The following ZFPM2 variants were observed in gnomAD, a reference collection of about 807,000 sequenced individuals.
ZFPM2 encodes zinc finger protein, FOG family member 2, also known as zinc finger protein ZFPM2.
A neutral mutation model predicts 98.6 loss-of-function variants in ZFPM2; 20 were observed. That is an observed-to-expected ratio of 0.20 (90% CI 0.14 to 0.29). The LOEUF is 0.29. ZFPM2 is among the 10% of genes least tolerant of loss of function. ZFPM2 has a pLI of 1.00. For synonymous variants in ZFPM2, 518 were observed against 502.7 expected (o/e 1.03, Z -0.41); for missense variants, 1,310 against 1,388.6 (o/e 0.94, Z 0.90).
In ZFPM2 at chr8:105,367,214, T is replaced by C. The variant is rs1366554281; in HGVS notation, c.40+48233T>C. Among the ~76,000 whole-genome samples the C allele has an allele frequency of 1.5e-3, 102 of 69,804 alleles. 1 individual carries two copies. Among genetic ancestry groups the C allele is most frequent in the African/African-American group, 7.7e-3 (98 of 12,730 alleles). The allele number at this position is 69,804 out of a possible 152,430, so 45.8% of individuals were successfully genotyped here. On this transcript the variant is annotated intron_variant, in intron 1 of 7. Transcript: ENST00000407775. ...GATTGACTTGGCGATGCGGGCTCTT[T>C]TTTGGTTCCATATGAACTTTAAAGT...
chr8:105,729,896 G>T (rs1252415099), intron 5 of ZFPM2, among the ~76,000 whole-genome samples: 3 of 150,554 alleles, frequency 2.0e-5, no homozygotes, highest in Non-Finnish European at 3.0e-5. Flanking sequence ...GTACTTCCAT[G>T]CATACTATAT....
chr8:105,677,004 T>C (rs1810486365), intron 5 of ZFPM2, among the ~76,000 whole-genome samples: 1 of 151,870 alleles, frequency 6.6e-6, no homozygotes, highest in South Asian at 2.1e-4. Context: ...ACAGAAAAAA[T>C]ATTAAAGATG....
rs1380762017 is a variant in ZFPM2 at position 105,541,931 on chromosome 8, A to C, written c.302-19432A>C. Among the ~76,000 whole-genome samples the C allele has an allele frequency of 5.9e-5, 9 of 152,118 alleles. No homozygotes were observed. In the East Asian group the frequency reaches 1.7e-3, roughly 29 times the overall value. On this transcript the variant is annotated intron_variant, in intron 3 of 7. Transcript: ENST00000407775. Reference sequence around the variant, plus strand: ...AAATTGCTAATTTTTTTAATGTAAAAAATTATTTTTCCAGAAATAAAGCAA... The same window carrying C: ...AAATTGCTAATTTTTTTAATGTAAACAATTATTTTTCCAGAAATAAAGCAA...
At chr8:105,662,539 C>A (rs1817411048) in intron 5 of ZFPM2, 1 of 151,760 alleles carries the variant, frequency 6.6e-6, no homozygotes, top group African/African-American at 2.4e-5. Flanking sequence ...CCTTCTTTAG[C>A]AGCATAAGCT....
intron 1 of ZFPM2, among the ~76,000 whole-genome samples, chr8:105,398,005 A>G (rs896429713): frequency 2.6e-5 from 4 of 152,192 alleles, no homozygotes; most frequent in Admixed American, 1.3e-4. Context: ...TAAGGGAAAC[A>G]TAAGAGATGA....
chr8:105,403,345 C>A (rs868132207), intron 1 of ZFPM2, among the ~76,000 whole-genome samples: 8 of 151,968 alleles, frequency 5.3e-5, no homozygotes, highest in African/African-American at 1.9e-4. Context: ...TCTTTTCGAT[C>A]TGTTGTTATT....
At chr8:105,493,409 G>T (rs1459544552) in intron 3 of ZFPM2, among the ~76,000 whole-genome samples, 1 of 152,190 alleles carries the variant, frequency 6.6e-6, no homozygotes, top group Non-Finnish European at 1.5e-5. Context: ...AACCCTTGAA[G>T]AAAGATGATG....
chr8:105,389,871 G>A (rs1262826126), intron 1 of ZFPM2, among the ~76,000 whole-genome samples: 1 of 152,190 alleles, frequency 6.6e-6, no homozygotes, highest in South Asian at 2.1e-4. Flanking sequence ...TAGACCTCTA[G>A]ATAAGGAGAA....
At chr8:105,461,211 G>T (rs1812698940) in intron 3 of ZFPM2, among the ~76,000 whole-genome samples, 1 of 152,076 alleles carries the variant, frequency 6.6e-6, no homozygotes, top group Admixed American at 6.5e-5. Context: ...AAAAGAGATT[G>T]TTAGTCAATT....
intron 5 of ZFPM2, among the ~76,000 whole-genome samples, chr8:105,661,620 G>T (rs918390050): frequency 1.3e-5 from 2 of 152,076 alleles, no homozygotes; most frequent in African/African-American, 4.8e-5. Flanking sequence ...AAGGCTTCAG[G>T]GAAGTGCCAA....
intron 1 of ZFPM2, among the ~76,000 whole-genome samples, chr8:105,394,891 G>A (rs1427727980): frequency 1.3e-5 from 2 of 152,174 alleles, no homozygotes; most frequent in Non-Finnish European, 2.9e-5. Flanking sequence ...TGAAACAAGG[G>A]ATGCCTGTTT....
chr8:105,489,749 C>A (rs1813320799), intron 3 of ZFPM2, among the ~76,000 whole-genome samples: 1 of 151,686 alleles, frequency 6.6e-6, no homozygotes. Context: ...CAGGTGTGAG[C>A]CACTGTGCCT....
At chr8:105,697,883 A>G (rs1308063162) in intron 5 of ZFPM2, among the ~76,000 whole-genome samples, 1 of 151,992 alleles carries the variant, frequency 6.6e-6, no homozygotes, top group Non-Finnish European at 1.5e-5. Flanking sequence ...AGAGCCATAG[A>G]AAAAAAACTG....
chr8:105,553,975 A>G (rs1814925060), intron 3 of ZFPM2, among the ~76,000 whole-genome samples: 1 of 152,196 alleles, frequency 6.6e-6, no homozygotes, highest in African/African-American at 2.4e-5. Flanking sequence ...AAGGGATAAG[A>G]TCACTGCATG....
At chr8:105,387,316 C>T (rs763206356) in intron 1 of ZFPM2, 2 of 158,080 alleles carry the variant, frequency 1.3e-5, no homozygotes, top group Non-Finnish European at 2.8e-5. Flanking sequence ...CTGCCAGTCT[C>T]GTGCTGTGCG....
At chr8:105,544,958 G>A (rs542759976) in intron 3 of ZFPM2, among the ~76,000 whole-genome samples, 3 of 152,118 alleles carry the variant, frequency 2.0e-5, no homozygotes, top group Admixed American at 6.6e-5. Context: ...TACTTTGTTG[G>A]CTTTGAGAAG....
rs1362723190 is a variant in ZFPM2, at chr8:105,380,638, A to G, written c.41-38506A>G. On this transcript the variant is annotated intron_variant, in intron 1 of 7. Coordinates refer to ENST00000407775, the MANE Select transcript of ZFPM2 (RefSeq NM_012082.4). ...ATATTATATATAACATATATATTATATATATATTATATATATATATTATAT... is the reference window on the plus strand; with the variant it reads ...ATATTATATATAACATATATATTATGTATATATTATATATATATATTATAT... Among the ~76,000 whole-genome samples, 5 of 14,788 alleles carry G rather than the reference A, an allele frequency of 3.4e-4. No homozygotes were observed. In the East Asian group the frequency reaches 4.3e-3, roughly 13 times the overall value. 9.7% of individuals were successfully genotyped at this position (14,788 alleles called of 152,430 possible). A position where few individuals can be genotyped will look rare whatever the true frequency, so the allele number is the denominator to read the frequency against.
chr8:105,702,646 T>A (rs760589285), intron 5 of ZFPM2, among the ~76,000 whole-genome samples: 5 of 152,178 alleles, frequency 3.3e-5, no homozygotes, highest in Non-Finnish European at 7.3e-5. Flanking sequence ...AATAAAGAAA[T>A]TGGTTGTTCA....
intron 1 of ZFPM2, chr8:105,415,027 C>T (rs1688465553): frequency 6.6e-6 from 1 of 152,084 alleles, no homozygotes; most frequent in Non-Finnish European, 1.5e-5. Context: ...TCTACACTTC[C>T]CTTCTTATCT....
Sources: allele counts gnomAD v4.1 joint callset (sites outside exome capture counted in the v4.1 genomes callset), GRCh38; gene constraint gnomAD v4.1.1; transcripts MANE v1.5; gene names NCBI Gene and HGNC (gene_info 2026-07-23, HGNC 2026-07-21).